IL15: variants seen among roughly 807,000 people sequenced by gnomAD.
IL15 encodes the protein interleukin-15.
IL15 carries 11 observed loss-of-function variants against 19.6 expected under a neutral mutation model. The observed-to-expected ratio is 0.56, with a 90% CI of 0.35 to 0.93. The LOEUF (loss-of-function observed/expected upper bound fraction) is 0.93, where lower values mean the gene tolerates loss of function less well. Among genes scored for constraint, IL15 ranks in the 40% least tolerant of loss-of-function variants. The probability of loss-of-function intolerance (pLI) is 0.01; values close to 1 mark genes in which losing one functional copy is unlikely to be tolerated. For synonymous variants in IL15, 58 were observed against 59.6 expected, an observed-to-expected ratio of 0.97 and a Z score of 0.12; for missense variants, 197 against 186.5, an observed-to-expected ratio of 1.06 and a Z score of -0.33.
At chr4:141,678,733 C>G (rs1728439223) in intron 2 of IL15, among the ~76,000 whole-genome samples, 1 of 151,810 alleles carries the variant, frequency 6.6e-6, no homozygotes, top group South Asian at 2.1e-4. Context: ...TCCCGAGTAG[C>G]TGGGACTACA....
At chr4:141,699,250 A>G (rs1334976596) in intron 2 of IL15, among the ~76,000 whole-genome samples, 1 of 152,160 alleles carries the variant, frequency 6.6e-6, no homozygotes, top group Non-Finnish European at 1.5e-5. Context: ...GGTTTATCAT[A>G]TGGTCTATCT....
At chr4:141,719,132 G>C in intron 2 of IL15, 1 of 239,868 alleles carries the variant, frequency 4.2e-6, no homozygotes, top group Non-Finnish European at 7.9e-6. Flanking sequence ...ATTGTAATCA[G>C]ACAGAACTGG....
intron 4 of IL15, chr4:141,721,045 T>G (rs752159931): frequency 2.5e-4 from 208 of 821,376 alleles, no homozygotes; most frequent in Non-Finnish European, 3.7e-4. Flanking sequence ...ATTAACTTTT[T>G]TCTTCTCTCT....
intron 2 of IL15, among the ~76,000 whole-genome samples, chr4:141,706,647 G>A (rs145006519): frequency 1.3e-4 from 20 of 151,588 alleles, no homozygotes; most frequent in African/African-American, 4.4e-4. Context: ...GTCTGGGAAT[G>A]TCTTCATTTC....
intron 5 of IL15, among the ~76,000 whole-genome samples, chr4:141,726,232 G>A (rs72712448): frequency 0.11 from 17,458 of 151,954 alleles, 1,101 homozygotes; most frequent in Non-Finnish European, 0.15. Context: ...GAGAAAAAAT[G>A]TATGAGAAAA....
rs760152584 is a variant in IL15 at position 141,719,449 on chromosome 4, A to G, written c.-16A>G. 1.1e-6 allele frequency: 1 copy of G among 898,390 alleles called. No individual in the cohort carries two copies. The highest frequency in any genetic ancestry group is 1.9e-6 in the Non-Finnish European group (1 of 532,244). The allele number at this position is 898,390 out of a possible 1,614,324, so 55.7% of individuals were successfully genotyped here. ...GCTCTTCTTCAATACTTAAGGATTT[A>G]CCGTGGCTTTGAGTAATGAGAATTT... On this transcript the variant is annotated 5_prime_UTR_variant, in exon 3 of 8. Coordinates refer to ENST00000320650, the MANE Select transcript of IL15 (RefSeq NM_000585.5).
At chr4:141,716,121 A>G (rs1042835665) in intron 2 of IL15, 5 of 152,310 alleles carry the variant, frequency 3.3e-5, no homozygotes, top group African/African-American at 1.2e-4. Context: ...TTCCCTGGGC[A>G]GTACCATCCT....
At chr4:141,645,807 T>C (rs114809334) in intron 1 of IL15, among the ~76,000 whole-genome samples, 316 of 152,184 alleles carry the variant, frequency 2.1e-3, no homozygotes, top group African/African-American at 7.0e-3. Flanking sequence ...GTCACACATA[T>C]AGAGCCTCAG....
intron 2 of IL15, among the ~76,000 whole-genome samples, chr4:141,698,202 G>A (rs1454923383): frequency 6.6e-6 from 1 of 152,026 alleles, no homozygotes; most frequent in African/African-American, 2.4e-5. Flanking sequence ...TGATCATGAT[G>A]TATTATCTTT....
In IL15 at chr4:141,680,192, A is replaced by T. The variant is rs76174371; in HGVS notation, c.-100+23885A>T. Among the ~76,000 whole-genome samples the T allele has an allele frequency of 4.6e-3, 703 of 151,856 alleles. 13 individuals are homozygous for T. The highest frequency in any genetic ancestry group is 0.039 in the Admixed American group (594 of 15,270). The stretch of plus-strand genomic sequence containing the variant: ...GGCTTCATAAAGCTGTAGGATTCTG[A>T]TAGGGAAACTACCGATTCCATGTGC... On this transcript the variant is annotated intron_variant, in intron 2 of 7. Transcript: ENST00000320650.
At chr4:141,673,184 CT>C (rs1728231679) in intron 2 of IL15, among the ~76,000 whole-genome samples, 2 of 152,170 alleles carry the variant, frequency 1.3e-5, no homozygotes, top group Non-Finnish European at 2.9e-5. Flanking sequence ...AAATTTCCCA[CT>C]TTAGCATTTT....
At chr4:141,711,710 T>A (rs1032690780) in intron 2 of IL15, among the ~76,000 whole-genome samples, 10 of 152,138 alleles carry the variant, frequency 6.6e-5, no homozygotes, top group Admixed American at 6.5e-5. Flanking sequence ...CATACTTATA[T>A]CCCACATCTT....
intron 2 of IL15, among the ~76,000 whole-genome samples, chr4:141,706,806 A>G (rs1382702610): frequency 6.6e-6 from 1 of 151,692 alleles, no homozygotes; most frequent in South Asian, 2.1e-4. Flanking sequence ...TTTGTATGTG[A>G]GTTAATACAT....
chr4:141,709,262 A>G (rs1043183514), intron 2 of IL15, among the ~76,000 whole-genome samples: 2 of 152,218 alleles, frequency 1.3e-5, no homozygotes, highest in African/African-American at 4.8e-5. Context: ...GGTCTAGGTC[A>G]TAGATGACCT....
chr4:141,731,955 C>T (rs1730466136), intron 7 of IL15, among the ~76,000 whole-genome samples: 1 of 152,144 alleles, frequency 6.6e-6, no homozygotes, highest in South Asian at 2.1e-4. Flanking sequence ...ACCTAAATGG[C>T]TCAGTTCAAC....
chr4:141,703,635 G>C (rs1186732633), intron 2 of IL15, among the ~76,000 whole-genome samples: 1 of 150,768 alleles, frequency 6.6e-6, no homozygotes, highest in Non-Finnish European at 1.5e-5. Context: ...CCTATCTCAT[G>C]GAGTAGGCTG....
intron 2 of IL15, among the ~76,000 whole-genome samples, chr4:141,691,086 G>T (rs887914189): frequency 6.2e-4 from 6 of 9,696 alleles, no homozygotes; most frequent in Admixed American, 1.4e-3. Flanking sequence ...AACATAAGAG[G>T]TTTAGTTGAC....
chr4:141,674,624 T>G (rs78985006), intron 2 of IL15, among the ~76,000 whole-genome samples: 6,170 of 152,088 alleles, frequency 0.041, 426 homozygotes, highest in African/African-American at 0.14. Context: ...TCTCTGAAGT[T>G]TCATAAAATA....
chr4:141,727,220 C>G (rs535563887), intron 5 of IL15, among the ~76,000 whole-genome samples: 42 of 152,144 alleles, frequency 2.8e-4, no homozygotes, highest in African/African-American at 1.0e-3. Context: ...AGTGATTCAC[C>G]AACTATAACA....
Sources: gnomAD v4.1 joint callset for allele counts (sites outside exome capture counted in the v4.1 genomes callset) on GRCh38, gnomAD v4.1.1 for gene constraint, MANE v1.5 for transcripts, NCBI Gene and HGNC (gene_info 2026-07-23, HGNC 2026-07-21) for gene names.